Variants in MTMR1 observed in about 807,000 individuals in gnomAD.
MTMR1 encodes the protein myotubularin related protein 1.
MTMR1 carries 17 observed loss-of-function variants against 51.6 expected under a neutral mutation model. The observed-to-expected ratio is 0.33, with a 90% CI of 0.23 to 0.49. The LOEUF is 0.49. Ranked by LOEUF, MTMR1 falls within the 20% of genes least tolerant of loss-of-function variation. The probability of loss-of-function intolerance (pLI) is 0.99; values close to 1 mark genes in which losing one functional copy is unlikely to be tolerated. For missense variants in MTMR1, 386 were observed against 526.9 expected (o/e 0.73, Z 2.62); for synonymous variants, 201 against 205.6 (o/e 0.98, Z 0.19).
intron 15 of MTMR1, among the ~76,000 whole-genome samples, chrX:150,758,624 C>G (rs5970471): frequency 9.0e-6 from 1 of 111,182 alleles, no homozygotes; most frequent in Non-Finnish European, 1.9e-5. Context: ...AACCCTGTCT[C>G]TACTAAAAAT....
At chrX:150,761,134 T>G (rs1430205945) in intron 15 of MTMR1, among the ~76,000 whole-genome samples, 2 of 110,440 alleles carry the variant, frequency 1.8e-5, no homozygotes, top group Non-Finnish European at 3.8e-5. Flanking sequence ...AGGCGTCCCT[T>G]GTCTGATCAG....
intron 12 of MTMR1, among the ~76,000 whole-genome samples, chrX:150,742,741 T>C (rs1409769803): frequency 3.1e-5 from 3 of 96,999 alleles, no homozygotes; most frequent in Non-Finnish European, 6.0e-5. Context: ...GGTGTGAACC[T>C]GGGAGGCAGA....
Position 150,693,447 on chromosome X carries a change from G to A in MTMR1, c.-84G>A, listed in dbSNP as rs1449437505. On this transcript the variant is annotated 5_prime_UTR_variant, in exon 1 of 16. Transcript: ENST00000445323. ...GGCGGGCGGGCGGTATAGAGCGGGC[G>A]GCAGGAGGCAAGCAGCGAAACCTTC... 5 of 754,787 alleles carry A rather than the reference G, an allele frequency of 6.6e-6. No individual in the cohort carries two copies. The highest frequency in any genetic ancestry group is 4.6e-5 in the African/African-American group (2 of 43,231). The allele number at this position is 754,787 out of a possible 1,213,427, so 62.2% of individuals were successfully genotyped here. A position where few individuals can be genotyped will look rare whatever the true frequency, so the allele number is the denominator to read the frequency against.
chrX:150,703,804 G>T (rs2041001418), intron 2 of MTMR1, among the ~76,000 whole-genome samples: 1 of 111,942 alleles, frequency 8.9e-6, no homozygotes, highest in Admixed American at 9.5e-5. Context: ...TCATGGAACA[G>T]TTCACAAATC....
intron 6 of MTMR1, among the ~76,000 whole-genome samples, chrX:150,728,188 G>A (rs1336119791): frequency 8.9e-6 from 1 of 112,156 alleles, no homozygotes. Context: ...TATGTAAATA[G>A]TTGTTATACT....
chrX:150,707,473 C>T (rs781822193), intron 2 of MTMR1, among the ~76,000 whole-genome samples: 2 of 112,352 alleles, frequency 1.8e-5, no homozygotes, highest in Non-Finnish European at 3.8e-5. Flanking sequence ...CAGGTAAGCA[C>T]GTGAAAAGAC....
At chrX:150,750,907 C>T in intron 14 of MTMR1, 64 bp downstream of exon 14, 1 of 1,045,253 alleles carries the variant, frequency 9.6e-7, no homozygotes, top group Non-Finnish European at 1.3e-6. Flanking sequence ...CTCGGAAGTG[C>T]TACTGTAGGA....
intron 3 of MTMR1, among the ~76,000 whole-genome samples, chrX:150,714,097 C>T (rs2041412325): frequency 1.8e-5 from 2 of 112,344 alleles, no homozygotes; most frequent in Middle Eastern, 4.6e-3. Context: ...TACCAGTTTT[C>T]TGTGGTATGC....
chrX:150,723,731 A>G (rs1439867301), intron 4 of MTMR1, among the ~76,000 whole-genome samples: 1 of 111,115 alleles, frequency 9.0e-6, no homozygotes, highest in Non-Finnish European at 1.9e-5. Context: ...CCTCCTCCCA[A>G]CCTTCACCTT....
chrX:150,714,482 A>G (rs191517073), intron 3 of MTMR1: 25 of 980,070 alleles, frequency 2.6e-5, no homozygotes, highest in Non-Finnish European at 3.2e-5. Context: ...TGTGCAGGAG[A>G]TTCAGGAAGA....
chrX:150,724,804 T>A (rs1257274446), intron 4 of MTMR1, among the ~76,000 whole-genome samples: 2 of 112,346 alleles, frequency 1.8e-5, no homozygotes, highest in African/African-American at 6.5e-5. Context: ...CATCTGCATA[T>A]AGCTAGCTAA....
chrX:150,740,057 C>T (rs912053038), intron 12 of MTMR1, among the ~76,000 whole-genome samples: 11 of 111,497 alleles, frequency 9.9e-5, no homozygotes, highest in Non-Finnish European at 2.1e-4. Context: ...CCTCCATTCC[C>T]CCCTCTTCCC....
chrX:150,701,885 C>A (rs2148554228), intron 2 of MTMR1, among the ~76,000 whole-genome samples: 1 of 111,123 alleles, frequency 9.0e-6, no homozygotes, highest in South Asian at 3.8e-4. Flanking sequence ...GTAGCTATTA[C>A]TACAATCATC....
chrX:150,745,084 A>G (rs1254777760), intron 13 of MTMR1, among the ~76,000 whole-genome samples: 2 of 112,672 alleles, frequency 1.8e-5, no homozygotes, highest in Non-Finnish European at 3.8e-5. Context: ...GTAGGCCATA[A>G]GGCCATAGTT....
chrX:150,751,061 GCT>G (rs2042716653), intron 14 of MTMR1: 1 of 1,141,168 alleles, frequency 8.8e-7, no homozygotes, highest in Non-Finnish European at 1.2e-6. Flanking sequence ...CGAGCCCGTG[GCT>G]CTCTCAGGAG....
chrX:150,732,803 A>G, intron 10 of MTMR1, 73 bp downstream of exon 10: 2 of 987,472 alleles, frequency 2.0e-6, no homozygotes, highest in South Asian at 2.5e-5. Flanking sequence ...TGCAGTTGGA[A>G]TAACTCATTG....
intron 11 of MTMR1, 88 bp from the exon 12 acceptor site, chrX:150,737,154 C>A: frequency 1.1e-6 from 1 of 932,824 alleles, no homozygotes; most frequent in Non-Finnish European, 1.5e-6. Context: ...CCAGAACTTC[C>A]AAAGCTCTCC....
At chrX:150,760,385 GGCAGTGGCTCGATTGGCTGCCGAGAAA>G (rs1345672072) in intron 15 of MTMR1, among the ~76,000 whole-genome samples, 1 of 111,056 alleles carries the variant, frequency 9.0e-6, no homozygotes, top group Non-Finnish European at 1.9e-5. Context: ...TCTCTGAGAA[GGCAGTGGCTCGATTGGCTGCCGAGAAA>G]GGGGTTCTTT....
intron 3 of MTMR1, among the ~76,000 whole-genome samples, chrX:150,716,376 T>G (rs1224843284): frequency 8.9e-6 from 1 of 112,728 alleles, no homozygotes; most frequent in Non-Finnish European, 1.9e-5. Context: ...AAACCAGACA[T>G]TTATAAGTAT....
Sources: gnomAD v4.1 joint callset for allele counts (sites outside exome capture counted in the v4.1 genomes callset) on GRCh38, gnomAD v4.1.1 for gene constraint, MANE v1.5 for transcripts, NCBI Gene and HGNC (gene_info 2026-07-23, HGNC 2026-07-21) for gene names.